The following NAT1 variants were observed in gnomAD, a reference collection of about 807,000 sequenced individuals.
NAT1 encodes the protein arylamine N-acetyltransferase 1.
For synonymous variants in NAT1, 144 were observed against 122.6 expected (o/e 1.17, Z -1.16); for missense variants, 400 against 339.2 (o/e 1.18, Z -1.41).
intron 1 of NAT1, chr8:18,216,930 G>A (rs1292550611): frequency 2.6e-6 from 4 of 1,551,342 alleles, no homozygotes; most frequent in Non-Finnish European, 2.6e-6. Flanking sequence ...GGCAGCCCTC[G>A]AGCCACAGGG....
chr8:18,174,780 T>G (rs1802223742), intron 2 of NAT1, among the ~76,000 whole-genome samples: 1 of 152,016 alleles, frequency 6.6e-6, no homozygotes, highest in South Asian at 2.1e-4. Flanking sequence ...TGGGCAAACC[T>G]CAGCACACAA....
intron 2 of NAT1, among the ~76,000 whole-genome samples, chr8:18,176,603 G>GTT (rs141707231): frequency 2.3e-4 from 34 of 150,126 alleles, no homozygotes; most frequent in East Asian, 5.9e-4. Context: ...TTTTTGTTTT[G>GTT]TTTTGTTTTT....
chr8:18,221,998 G>A (rs1589130694), intron 2 of NAT1, 44 bp from the exon 3 acceptor site: 1 of 1,555,140 alleles, frequency 6.4e-7, no homozygotes, highest in Non-Finnish European at 8.7e-7. Context: ...AAATCCAAGT[G>A]TAAAAGTAAA....
intron 2 of NAT1, among the ~76,000 whole-genome samples, chr8:18,177,550 A>C (rs971652): frequency 1.3e-5 from 2 of 151,954 alleles, no homozygotes; most frequent in Non-Finnish European, 2.9e-5. Context: ...TAGGTATTAC[A>C]TGAAATTCCA....
At chr8:18,182,085 C>G (rs1461489690) in intron 2 of NAT1, among the ~76,000 whole-genome samples, 7 of 152,176 alleles carry the variant, frequency 4.6e-5, no homozygotes, top group Admixed American at 4.6e-4. Context: ...GTGGTTTTGG[C>G]AATGAGTGAT....
intron 1 of NAT1, among the ~76,000 whole-genome samples, chr8:18,215,980 T>C (rs1412953538): frequency 1.3e-5 from 2 of 152,264 alleles, no homozygotes; most frequent in East Asian, 3.9e-4. Flanking sequence ...GGGGAAAGGA[T>C]GGGATATCGA....
intron 1 of NAT1, among the ~76,000 whole-genome samples, chr8:18,215,276 C>CT (rs1459206010): frequency 6.6e-6 from 1 of 152,204 alleles, no homozygotes; most frequent in Non-Finnish European, 1.5e-5. Context: ...TTCTATTGCA[C>CT]TTTTTGCATT....
chr8:18,206,971 C>A (rs1166081886), upstream of NAT1, among the ~76,000 whole-genome samples: 1 of 152,034 alleles, frequency 6.6e-6, no homozygotes, highest in Admixed American at 6.6e-5. Flanking sequence ...AATAGTGTTG[C>A]CTAGATTTTC....
intron 2 of NAT1, among the ~76,000 whole-genome samples, chr8:18,184,151 C>T (rs1228822984): frequency 1.3e-5 from 2 of 152,188 alleles, no homozygotes; most frequent in Non-Finnish European, 2.9e-5. Context: ...CCATGACTTG[C>T]CATAACATCC....
intron 2 of NAT1, among the ~76,000 whole-genome samples, chr8:18,179,925 A>G (rs1024303955): frequency 6.6e-6 from 1 of 152,202 alleles, no homozygotes; most frequent in Non-Finnish European, 1.5e-5. Context: ...TACAAGATAT[A>G]CAAAGAATAA....
chr8:18,203,152 A>G (rs1483314123), intron 2 of NAT1, among the ~76,000 whole-genome samples: 3 of 152,174 alleles, frequency 2.0e-5, no homozygotes, highest in Admixed American at 2.0e-4. Context: ...CTTCTGTCAT[A>G]TGTCTGTATG....
At position 18,223,024 on chromosome 8, in the gene NAT1, T is replaced by A; in HGVS notation, c.*104T>A. The A allele has an allele frequency of 1.2e-6, 1 of 862,816 alleles. No homozygotes were observed. Among genetic ancestry groups the A allele is most frequent in the Non-Finnish European group, 1.6e-6 (1 of 628,524 alleles). 53.4% of individuals were successfully genotyped at this position (862,816 alleles called of 1,614,324 possible). A position where few individuals can be genotyped will look rare whatever the true frequency, so the allele number is the denominator to read the frequency against. ...TACCCTTACCTTATTTTGAAGAAAA[T>A]CCTAGACATCAAATCATTTCACCTA... On this transcript the variant is annotated 3_prime_UTR_variant, in exon 3 of 3. Coordinates refer to ENST00000307719, the MANE Select transcript of NAT1 (RefSeq NM_000662.8).
At position 18,222,471 on chromosome 8, in the gene NAT1, G is replaced by C; in HGVS notation, c.424G>C (p.Asp142His). 6.2e-7 allele frequency: 1 copy of C among 1,614,092 alleles called. No homozygotes were observed. Among genetic ancestry groups the C allele is most frequent in the Non-Finnish European group, 8.5e-7 (1 of 1,180,016 alleles). The change falls in exon 3 of 3, where the codon GAT becomes CAT. Residue 142 changes from aspartate to histidine, a missense_variant. Transcript: ENST00000307719. ...WQPLELISGK[D>H]QPQVPCVFRL... ...GCCTCTGGAGTTAATTTCTGGGAAG[G>C]ATCAGCCTCAGGTGCCTTGTGTCTT...
intron 1 of NAT1, among the ~76,000 whole-genome samples, chr8:18,217,203 G>T (rs1420299369): frequency 6.6e-6 from 1 of 152,142 alleles, no homozygotes; most frequent in Admixed American, 6.5e-5. Flanking sequence ...GAGAAATTTG[G>T]TATCCAGTTT....
intron 2 of NAT1, among the ~76,000 whole-genome samples, chr8:18,171,758 G>T (rs147888514): frequency 7.9e-4 from 121 of 152,250 alleles, no homozygotes; most frequent in African/African-American, 2.9e-3. Context: ...GGAACATTCT[G>T]AGCTAGAAAC....
At chr8:18,197,255 C>A (rs1320741932) in intron 2 of NAT1, among the ~76,000 whole-genome samples, 1 of 152,102 alleles carries the variant, frequency 6.6e-6, no homozygotes, top group Non-Finnish European at 1.5e-5. Flanking sequence ...CGGTCCCAAA[C>A]CATATCAATT....
At chr8:18,190,524 T>C (rs1244300268) in intron 2 of NAT1, among the ~76,000 whole-genome samples, 2 of 152,238 alleles carry the variant, frequency 1.3e-5, no homozygotes, top group Non-Finnish European at 2.9e-5. Context: ...AAAACTTTCC[T>C]GAGGACTGAC....
upstream of NAT1, among the ~76,000 whole-genome samples, chr8:18,209,430 A>G (rs144229959): frequency 3.1e-4 from 47 of 152,378 alleles, no homozygotes; most frequent in African/African-American, 1.1e-3. Flanking sequence ...TAAGAACACC[A>G]CATTGTACCC....
At chr8:18,218,435 C>T (rs1406902191) in intron 1 of NAT1, among the ~76,000 whole-genome samples, 1 of 152,042 alleles carries the variant, frequency 6.6e-6, no homozygotes, top group East Asian at 1.9e-4. Context: ...GAGCTGAACC[C>T]GATGGAATTG....
Sources: allele counts gnomAD v4.1 joint callset (sites outside exome capture counted in the v4.1 genomes callset), GRCh38; gene constraint gnomAD v4.1.1; transcripts MANE v1.5; gene names NCBI Gene and HGNC (gene_info 2026-07-23, HGNC 2026-07-21).